The following ACTR1A variants were observed in gnomAD, a reference collection of about 807,000 sequenced individuals.
ACTR1A encodes the protein alpha-centractin.
A neutral mutation model predicts 50.7 loss-of-function variants in ACTR1A; 10 were observed. That is an observed-to-expected ratio of 0.20 (90% CI 0.12 to 0.33). ACTR1A has a LOEUF of 0.33. ACTR1A is among the 10% of genes least tolerant of loss of function. The pLI is 1.00. For synonymous variants in ACTR1A, 177 were observed against 184.2 expected, an observed-to-expected ratio of 0.96 and a Z score of 0.32; for missense variants, 253 against 491.7, an observed-to-expected ratio of 0.51 and a Z score of 4.59.
chr10:102,495,352 G>A (rs926134551), intron 1 of ACTR1A, among the ~76,000 whole-genome samples: 7 of 152,108 alleles, frequency 4.6e-5, no homozygotes, highest in Admixed American at 2.0e-4. Context: ...GGCAGATCAC[G>A]AGGTCAGGAG....
At chr10:102,495,977 G>T (rs541148165) in intron 1 of ACTR1A, among the ~76,000 whole-genome samples, 5 of 151,522 alleles carry the variant, frequency 3.3e-5, no homozygotes, top group South Asian at 4.2e-4. Flanking sequence ...ACGCAGTCTC[G>T]CTCTGTTGCC....
intron 1 of ACTR1A, among the ~76,000 whole-genome samples, chr10:102,497,981 C>T (rs2062230452): frequency 6.7e-6 from 1 of 148,798 alleles, no homozygotes; most frequent in Non-Finnish European, 1.5e-5. Flanking sequence ...GTCCCAGCTA[C>T]TTGGGAGGCT....
chr10:102,501,679 G>A (rs2062252423), intron 1 of ACTR1A, among the ~76,000 whole-genome samples: 1 of 152,184 alleles, frequency 6.6e-6, no homozygotes, highest in South Asian at 2.1e-4. Context: ...GTGACCTTGG[G>A]CTCACGTTAC....
In ACTR1A at chr10:102,483,107, C is replaced by A; in HGVS notation, c.658-4G>T. ...TTATGGATAGGTAACAGGCTCTCTG[C>A]AGATCCAAGCAAGACAGTCAGGCTG... On this transcript the variant is annotated splice_region_variant and splice_polypyrimidine_tract_variant and intron_variant, in intron 6 of 10. Transcript: ENST00000369905. The A allele has an allele frequency of 6.2e-7, 1 of 1,610,088 alleles. No homozygotes were observed. The highest frequency in any genetic ancestry group is 8.5e-7 in the Non-Finnish European group (1 of 1,176,268).
At position 102,486,835 on chromosome 10, in the gene ACTR1A, G is replaced by A. The variant is rs558856786; in HGVS notation, c.316-1102C>T. 1.3e-4 allele frequency among the ~76,000 whole-genome samples: 19 copies of A among 149,622 alleles called. No individual in the cohort carries two copies. In the South Asian group the frequency reaches 3.4e-3, roughly 27 times the overall value. ...AGGTCTCACTCTGTCACCAGGCTGC[G>A]AGTTCAGTGGTGCGATCTTGGCTTA... is the stretch of plus-strand genomic sequence containing the variant. On this transcript the variant is annotated intron_variant, in intron 4 of 10. Transcript: ENST00000369905.
rs1379741436 is a variant in ACTR1A, at chr10:102,481,823, C to T, written c.987+14G>A. 6 of 1,612,156 alleles carry T rather than the reference C, an allele frequency of 3.7e-6. No homozygotes were observed. Among genetic ancestry groups the T allele is most frequent in the Non-Finnish European group, 5.1e-6 (6 of 1,179,976 alleles). On this transcript the variant is annotated intron_variant, in intron 9 of 10. Coordinates refer to ENST00000369905, the MANE Select transcript of ACTR1A (RefSeq NM_005736.4). The stretch of plus-strand genomic sequence containing the variant: ...GCCTAGTTCCACCCAGGCCAGGCCC[C>T]ACCATGCTCCTACCCTGATCTTCAC...
intron 6 of ACTR1A, 136 bp downstream of exon 6, chr10:102,484,024 C>G: frequency 1.3e-6 from 1 of 740,814 alleles, no homozygotes; most frequent in Non-Finnish European, 2.2e-6. Flanking sequence ...TAGGGGAGAC[C>G]TGGCTGGGAA....
intron 6 of ACTR1A, chr10:102,483,542 A>C: frequency 6.3e-6 from 1 of 158,884 alleles, no homozygotes; most frequent in Admixed American, 6.1e-5. Flanking sequence ...TAAAAAAATA[A>C]AAATAAAAAA....
chr10:102,497,171 GAAA>G (rs968687001), intron 1 of ACTR1A, among the ~76,000 whole-genome samples: 2 of 69,772 alleles, frequency 2.9e-5, no homozygotes, highest in Admixed American at 1.7e-4. Context: ...TCCATCTCAG[GAAA>G]AAAAAAAAAA....
chr10:102,499,528 T>G (rs980536075), intron 1 of ACTR1A, among the ~76,000 whole-genome samples: 2 of 152,164 alleles, frequency 1.3e-5, no homozygotes, highest in African/African-American at 4.8e-5. Flanking sequence ...CTGTAATGCA[T>G]TTCGAAACAT....
intron 6 of ACTR1A, chr10:102,483,574 T>G (rs2062153501): frequency 6.3e-6 from 1 of 158,628 alleles, no homozygotes; most frequent in African/African-American, 2.4e-5. Context: ...GCGCGGTAGC[T>G]CATGCTGCAA....
In ACTR1A at chr10:102,482,707, C is replaced by T. The variant is rs2062149658; in HGVS notation, c.750+304G>A. 8.3e-6 allele frequency: 3 copies of T among 359,392 alleles called. No homozygotes were observed. Among genetic ancestry groups the T allele is most frequent in the Middle Eastern group, 8.3e-4 (1 of 1,204 alleles). The allele number at this position is 359,392 out of a possible 1,614,324, so 22.3% of individuals were successfully genotyped here. Reference sequence around the variant, plus strand: ...TGGGGTGTCCAGTCTTTTGGCTTCCCTGGGCCACATTGGAAGAAGAATTGT... The same window carrying T: ...TGGGGTGTCCAGTCTTTTGGCTTCCTTGGGCCACATTGGAAGAAGAATTGT... On this transcript the variant is annotated intron_variant, in intron 7 of 10. Transcript: ENST00000369905. The surrounding 1 kb of genome is among the most constrained non-coding windows in gnomAD (Gnocchi z 5.6).
intron 1 of ACTR1A, among the ~76,000 whole-genome samples, chr10:102,499,174 T>C (rs1298901355): frequency 6.6e-6 from 1 of 152,228 alleles, no homozygotes; most frequent in Non-Finnish European, 1.5e-5. Flanking sequence ...AAATAAAGTG[T>C]AGCAACATGT....
intron 9 of ACTR1A, among the ~76,000 whole-genome samples, chr10:102,481,573 C>G (rs1280341247): frequency 2.6e-5 from 4 of 152,184 alleles, no homozygotes; most frequent in African/African-American, 9.7e-5. Context: ...CCTGAAAGAT[C>G]ACGCAGGGGG....
intron 9 of ACTR1A, among the ~76,000 whole-genome samples, chr10:102,481,458 A>T (rs1162370130): frequency 1.3e-5 from 2 of 152,196 alleles, no homozygotes; most frequent in Non-Finnish European, 2.9e-5. Flanking sequence ...TCAGACAGCC[A>T]ACCTCCTTCA....
chr10:102,482,071 C>T lies in ACTR1A; in HGVS notation c.855G>A (p.Lys285=). The T allele has an allele frequency of 6.2e-7, 1 of 1,614,208 alleles. No individual in the cohort carries two copies. Among genetic ancestry groups the T allele is most frequent in the Non-Finnish European group, 8.5e-7 (1 of 1,180,046 alleles). The change falls in exon 8 of 11, where the codon AAG becomes AAA. Residue 285 remains lysine (K), a synonymous_variant. Transcript: ENST00000369905. The surrounding 1 kb of genome is among the most constrained non-coding windows in gnomAD (Gnocchi z 5.6). ...GCGTGCGCCGCAGGTCCATGTCTGA[C>T]TTCTGAATGGCGAACACCAGGACCT... is the stretch of plus-strand genomic sequence containing the variant. ...IHEVLVFAIQ[K]SDMDLRRTLF...
chr10:102,493,709 G>A (rs1357466352), intron 1 of ACTR1A, among the ~76,000 whole-genome samples: 3 of 152,156 alleles, frequency 2.0e-5, no homozygotes, highest in Admixed American at 6.5e-5. Flanking sequence ...TTCCACTTTC[G>A]TCTCTTTTCA....
chr10:102,494,683 C>T (rs376453752), intron 1 of ACTR1A, among the ~76,000 whole-genome samples: 78 of 152,222 alleles, frequency 5.1e-4, no homozygotes, highest in African/African-American at 1.7e-3. Context: ...TGGCTGGGTG[C>T]GGTGGCCCAC....
chr10:102,485,482 C>T lies in ACTR1A; in HGVS notation c.440+127G>A, dbSNP rs1005801114. ...AGCAAAAGCCTCTCTCTCTTTCCCACCATCTTTAACCTTTCCCTAGCAGAG... is the reference window on the plus strand; with the variant it reads ...AGCAAAAGCCTCTCTCTCTTTCCCATCATCTTTAACCTTTCCCTAGCAGAG... On this transcript the variant is annotated intron_variant, in intron 5 of 10. Coordinates refer to ENST00000369905, the MANE Select transcript of ACTR1A (RefSeq NM_005736.4). 40 of 1,299,698 alleles carry T rather than the reference C, an allele frequency of 3.1e-5. No individual in the cohort carries two copies. The African/African-American group carries it at 5.5e-4, about 18-fold the overall frequency. The allele number at this position is 1,299,698 out of a possible 1,614,324, so 80.5% of individuals were successfully genotyped here.
Sources: gnomAD v4.1 joint callset for allele counts (sites outside exome capture counted in the v4.1 genomes callset) on GRCh38, gnomAD v4.1.1 for gene constraint, Gnocchi (gnomAD v3.1) non-coding constraint, MANE v1.5 for transcripts, NCBI Gene and HGNC (gene_info 2026-07-23, HGNC 2026-07-21) for gene names.